MFHAS1: variants seen among roughly 807,000 people sequenced by gnomAD.
MFHAS1 encodes the protein multifunctional ROCO family signaling regulator 1.
In MFHAS1, 50 loss-of-function variants were observed where a neutral mutation model predicts 70.4. The observed-to-expected ratio is 0.71, with a 90% confidence interval of 0.57 to 0.90. The LOEUF (loss-of-function observed/expected upper bound fraction) is 0.90. Ranked by LOEUF, MFHAS1 falls within the 40% of genes least tolerant of loss-of-function variation. MFHAS1 has a pLI of 0.00. For synonymous variants in MFHAS1, 952 were observed against 620.0 expected (o/e 1.54, Z -7.96); for missense variants, 1,795 against 1,347.6 (o/e 1.33, Z -5.20).
intron 2 of MFHAS1, among the ~76,000 whole-genome samples, chr8:8,792,376 A>G (rs11987146): frequency 0.31 from 47,369 of 152,022 alleles, 8,427 homozygotes; most frequent in African/African-American, 0.47. Flanking sequence ...CAAGGCGGGC[A>G]GATTATCTGA....
chr8:8,821,859 CTG>C (rs1291286504), intron 1 of MFHAS1: 1 of 152,262 alleles, frequency 6.6e-6, no homozygotes, highest in East Asian at 1.9e-4. Context: ...CACTGATTAA[CTG>C]TGGATAAGCC....
rs1343018402 is a variant in MFHAS1 at position 8,892,843 on chromosome 8, GT to G, written c.215del (p.Asn72ThrfsTer47). The G allele has an allele frequency of 6.3e-7, 1 of 1,596,842 alleles. No individual in the cohort carries two copies. Among genetic ancestry groups the G allele is most frequent in the Non-Finnish European group, 8.5e-7 (1 of 1,172,340 alleles). On this transcript the variant is annotated frameshift_variant, in exon 1 of 3. Transcript: ENST00000276282. LOFTEE classifies it high-confidence loss of function. The surrounding 1 kb of genome is among the most constrained non-coding windows in gnomAD (Gnocchi z 4.7). The stretch of plus-strand genomic sequence containing the variant: ...CCTCGGGTACCTCCTCCAGGCCGTT[GT>G]TCCCCAGGTTCAGTGCCTCAATGTC... ...LGDIEALNLG[N>X]NGLEEVPEGL...
At chr8:8,804,208 A>G (rs550509170) in intron 1 of MFHAS1, among the ~76,000 whole-genome samples, 68 of 152,288 alleles carry the variant, frequency 4.5e-4, no homozygotes, top group African/African-American at 1.4e-3. Context: ...AAAAACTTAC[A>G]CCATCAAAAA....
intron 2 of MFHAS1, among the ~76,000 whole-genome samples, chr8:8,788,440 A>C (rs1021881510): frequency 6.6e-6 from 1 of 152,246 alleles, no homozygotes; most frequent in African/African-American, 2.4e-5. Flanking sequence ...CTGCTTTGGA[A>C]GGCTGAGGCA....
chr8:8,892,553 C>G lies in MFHAS1; in HGVS notation c.506G>C (p.Arg169Pro). Residue 169 changes from arginine (R) to proline (P), a missense_variant, in exon 1 of 3, where the codon CGG (arginine) becomes CCG (proline). Arg to Pro is a moderately radical substitution (Grantham distance 103). Transcript: ENST00000276282. The surrounding 1 kb of genome is among the most constrained non-coding windows in gnomAD (Gnocchi z 4.7). ...GAGGGAGTCAGGCAGGTGCGCCAGC[C>G]GGTTAAAGCTGACATCCAGCTCCTC... Reference protein sequence around the residue: ...HLEELDVSFNRLAHLPDSLSC... With the variant: ...HLEELDVSFNPLAHLPDSLSC... The G allele has an allele frequency of 2.5e-6, 4 of 1,601,052 alleles. No individual in the cohort carries two copies. Among genetic ancestry groups the G allele is most frequent in the South Asian group, 1.1e-5 (1 of 89,630 alleles).
chr8:8,861,821 C>T (rs1160404794), intron 1 of MFHAS1, among the ~76,000 whole-genome samples: 1 of 152,174 alleles, frequency 6.6e-6, no homozygotes, highest in Non-Finnish European at 1.5e-5. Context: ...TGGAGTCATA[C>T]AATATGTACT....
chr8:8,855,708 T>C (rs1808413114), intron 1 of MFHAS1, among the ~76,000 whole-genome samples: 2 of 151,828 alleles, frequency 1.3e-5, no homozygotes. Flanking sequence ...ATACAAAATT[T>C]AGCCAGGCAT....
chr8:8,871,319 G>T (rs1264019171), intron 1 of MFHAS1, among the ~76,000 whole-genome samples: 1 of 152,194 alleles, frequency 6.6e-6, no homozygotes, highest in Non-Finnish European at 1.5e-5. Context: ...GGAGGCCGAG[G>T]GGGCTGGATC....
chr8:8,862,635 T>C (rs1808709926), intron 1 of MFHAS1, among the ~76,000 whole-genome samples: 1 of 152,180 alleles, frequency 6.6e-6, no homozygotes, highest in South Asian at 2.1e-4. Flanking sequence ...TTCCGTATGA[T>C]ACTATAACGG....
intron 1 of MFHAS1, among the ~76,000 whole-genome samples, chr8:8,856,905 A>G (rs181987957): frequency 4.0e-4 from 60 of 149,000 alleles, no homozygotes; most frequent in African/African-American, 1.4e-3. Context: ...GATTCTCTAG[A>G]TCAGAAAGAG....
At chr8:8,861,693 G>A (rs556283675) in intron 1 of MFHAS1, among the ~76,000 whole-genome samples, 6 of 152,080 alleles carry the variant, frequency 3.9e-5, no homozygotes, top group African/African-American at 1.2e-4. Flanking sequence ...GAATATTCCC[G>A]TCACCACAAA....
At position 8,817,594 on chromosome 8, in the gene MFHAS1, G is replaced by C. The variant is rs530850728; in HGVS notation, c.2999-20103C>G. Among the ~76,000 whole-genome samples the C allele has an allele frequency of 9.8e-5, 15 of 152,322 alleles. No homozygotes were observed. The South Asian group carries it at 2.7e-3, about 27-fold the overall frequency. On this transcript the variant is annotated intron_variant, in intron 1 of 2. Transcript: ENST00000276282. ...TGGACTCCATCCCAGCCCGCAGATG[G>C]GGGGGCTCTCGCCCCTCCTGTTCTC...
Position 8,892,816 on chromosome 8 carries a change from C to A in MFHAS1, c.243G>T (p.Gly81=), listed in dbSNP as rs1406541196. The A allele has an allele frequency of 8.8e-6, 14 of 1,591,756 alleles. No homozygotes were observed. Among genetic ancestry groups the A allele is most frequent in the Non-Finnish European group, 1.2e-5 (14 of 1,169,608 alleles). ...GNNGLEEVPE[G]LGSALGSLRV... ...GCAGGCTGCCCAGCGCCGACCCCAG[C>A]CCCTCGGGTACCTCCTCCAGGCCGT... is the stretch of plus-strand genomic sequence containing the variant. Residue 81 remains glycine, a synonymous_variant, in exon 1 of 3, where the codon GGG becomes GGT. Coordinates refer to ENST00000276282, the MANE Select transcript of MFHAS1 (RefSeq NM_004225.3). The surrounding 1 kb of genome is among the most constrained non-coding windows in gnomAD (Gnocchi z 4.7).
At position 8,784,811 on chromosome 8, in the gene MFHAS1, T is replaced by C. The variant is rs1472603675; in HGVS notation, c.*1211A>G. Reference sequence around the variant, plus strand: ...CTGTAGCATATGCTGTTTGGCCCAATTAAAAGTAGAATGGAGAGCAATTTG... The same window carrying C: ...CTGTAGCATATGCTGTTTGGCCCAACTAAAAGTAGAATGGAGAGCAATTTG... On this transcript the variant is annotated 3_prime_UTR_variant, in exon 3 of 3. Transcript: ENST00000276282. The C allele has an allele frequency of 6.6e-6, 1 of 152,206 alleles. No homozygotes were observed. Among genetic ancestry groups the C allele is most frequent in the African/African-American group, 2.4e-5 (1 of 41,440 alleles). 9.4% of individuals were successfully genotyped at this position (152,206 alleles called of 1,614,324 possible). A position where few individuals can be genotyped will look rare whatever the true frequency, so the allele number is the denominator to read the frequency against.
intron 1 of MFHAS1, among the ~76,000 whole-genome samples, chr8:8,828,472 T>C (rs1264481695): frequency 6.6e-6 from 1 of 152,094 alleles, no homozygotes; most frequent in Non-Finnish European, 1.5e-5. Context: ...CGCAGGGCCA[T>C]ACTGTATCTT....
intron 1 of MFHAS1, among the ~76,000 whole-genome samples, chr8:8,887,912 T>C (rs1809832626): frequency 6.6e-6 from 1 of 151,796 alleles, no homozygotes; most frequent in Non-Finnish European, 1.5e-5. Flanking sequence ...TCAAAGTTCT[T>C]AGAAGATCTT....
intron 1 of MFHAS1, among the ~76,000 whole-genome samples, chr8:8,817,717 G>C (rs949086946): frequency 6.6e-6 from 1 of 152,200 alleles, no homozygotes; most frequent in African/African-American, 2.4e-5. Context: ...GGAGGGGGAT[G>C]GTTTCTGGAT....
At chr8:8,889,382 C>T (rs1320052396) in intron 1 of MFHAS1, among the ~76,000 whole-genome samples, 2 of 152,190 alleles carry the variant, frequency 1.3e-5, no homozygotes, top group Non-Finnish European at 2.9e-5. Flanking sequence ...AAATTTCTGT[C>T]TTTACTCATC....
At chr8:8,843,534 T>A (rs80303540) in intron 1 of MFHAS1, among the ~76,000 whole-genome samples, 6,476 of 152,246 alleles carry the variant, frequency 0.043, 461 homozygotes, top group African/African-American at 0.15. Context: ...CGAGTGGTGA[T>A]CATGCCACTG....
Sources: allele counts gnomAD v4.1 joint callset (sites outside exome capture counted in the v4.1 genomes callset), GRCh38; gene constraint gnomAD v4.1.1; non-coding constraint Gnocchi (gnomAD v3.1); transcripts MANE v1.5; gene names NCBI Gene and HGNC (gene_info 2026-07-23, HGNC 2026-07-21).